Variants in CTNNA3 observed in about 807,000 individuals in gnomAD.
CTNNA3 encodes the protein catenin alpha 3, also known as catenin alpha-3.
Under a neutral mutation model 95.7 loss-of-function variants are expected in CTNNA3, and 76 were observed. The ratio of observed to expected loss-of-function variants is 0.79; its 90% CI spans 0.66 to 0.96. CTNNA3 has a LOEUF of 0.96. Among genes scored for constraint, CTNNA3 ranks in the 40% least tolerant of loss-of-function variants. The pLI, the probability that CTNNA3 is intolerant of heterozygous loss-of-function variation, is 0.00. For synonymous variants in CTNNA3, 431 were observed against 374.4 expected (o/e 1.15, Z -1.74); for missense variants, 1,191 against 1,089.8 (o/e 1.09, Z -1.31).
intron 8 of CTNNA3, among the ~76,000 whole-genome samples, chr10:66,772,015 AGAGT>A (rs10585636): frequency 0.035 from 4,224 of 119,306 alleles, 193 homozygotes; most frequent in African/African-American, 0.13. Context: ...GTGTGTAAGG[AGAGT>A]GAGTGGGGAA....
intron 11 of CTNNA3, among the ~76,000 whole-genome samples, chr10:66,443,506 C>T (rs945973541): frequency 2.9e-4 from 44 of 152,196 alleles, no homozygotes; most frequent in Middle Eastern, 3.4e-3. Flanking sequence ...CACCAAAATC[C>T]GCTGTTCTAC....
intron 7 of CTNNA3, among the ~76,000 whole-genome samples, chr10:67,141,464 C>T (rs10997528): frequency 0.31 from 46,919 of 152,034 alleles, 7,696 homozygotes; most frequent in Middle Eastern, 0.51. Flanking sequence ...CCATTATCCC[C>T]GGGAAGTGTG....
intron 7 of CTNNA3, among the ~76,000 whole-genome samples, chr10:67,125,933 T>TC (rs1193591928): frequency 5.3e-5 from 8 of 152,194 alleles, no homozygotes; most frequent in African/African-American, 1.9e-4. Flanking sequence ...AGTATATTGA[T>TC]CCCCAATATG....
At chr10:67,550,227 T>C (rs1054815600) in intron 3 of CTNNA3, among the ~76,000 whole-genome samples, 4 of 152,202 alleles carry the variant, frequency 2.6e-5, no homozygotes, top group Admixed American at 2.6e-4. Context: ...ATATATCTAA[T>C]AATATTAGCA....
intron 3 of CTNNA3, among the ~76,000 whole-genome samples, chr10:67,560,517 C>T (rs1283952131): frequency 6.6e-6 from 1 of 152,186 alleles, no homozygotes; most frequent in African/African-American, 2.4e-5. Context: ...CAACCGGTAC[C>T]AGCTACTGCA....
intron 9 of CTNNA3, among the ~76,000 whole-genome samples, chr10:66,759,370 C>A (rs1285721405): frequency 6.6e-6 from 1 of 152,162 alleles, no homozygotes; most frequent in African/African-American, 2.4e-5. Flanking sequence ...TTCCTAAGAA[C>A]ACCTAGCCAG....
At chr10:67,254,157 A>T (rs1388354860) in intron 5 of CTNNA3, among the ~76,000 whole-genome samples, 1 of 152,296 alleles carries the variant, frequency 6.6e-6, no homozygotes. Context: ...ATACTGGCAG[A>T]AAAAAGAAGA....
chr10:66,843,111 A>G (rs1275637082), intron 7 of CTNNA3, among the ~76,000 whole-genome samples: 2 of 152,194 alleles, frequency 1.3e-5, no homozygotes, highest in Non-Finnish European at 2.9e-5. Context: ...AAGGACGTGG[A>G]TGTAGATTGG....
At chr10:66,281,056 A>G (rs1255236228) in intron 12 of CTNNA3, among the ~76,000 whole-genome samples, 1 of 151,978 alleles carries the variant, frequency 6.6e-6, no homozygotes, top group Non-Finnish European at 1.5e-5. Flanking sequence ...AAAGCAATTG[A>G]GTTGCTAAAC....
chr10:66,333,097 A>G (rs1331400342), intron 12 of CTNNA3, among the ~76,000 whole-genome samples: 2 of 150,504 alleles, frequency 1.3e-5, no homozygotes, highest in Non-Finnish European at 3.0e-5. Context: ...TTTTTATTGA[A>G]TCTATTTGAT....
chr10:67,488,812 G>A (rs941730296), intron 5 of CTNNA3, among the ~76,000 whole-genome samples: 1 of 152,066 alleles, frequency 6.6e-6, no homozygotes, highest in African/African-American at 2.4e-5. Flanking sequence ...TGGGACTACA[G>A]GCGCATGCCA....
intron 7 of CTNNA3, chr10:66,926,486 G>A (rs1396019311): frequency 1.4e-6 from 2 of 1,403,506 alleles, no homozygotes; most frequent in Non-Finnish European, 9.9e-7. Flanking sequence ...GTGTCAGCGA[G>A]CCCTGACTCA....
intron 5 of CTNNA3, among the ~76,000 whole-genome samples, chr10:67,436,355 G>GA (rs1352573356): frequency 6.6e-6 from 1 of 152,054 alleles, no homozygotes; most frequent in African/African-American, 2.4e-5. Flanking sequence ...CCTAAGACCT[G>GA]AAACTATTAA....
chr10:66,328,182 C>A (rs1356141065), intron 12 of CTNNA3, among the ~76,000 whole-genome samples: 1 of 152,044 alleles, frequency 6.6e-6, no homozygotes, highest in African/African-American at 2.4e-5. Context: ...AAGTGTTACA[C>A]ATTGTGCTGA....
intron 13 of CTNNA3, among the ~76,000 whole-genome samples, chr10:66,238,199 A>G (rs1589818255): frequency 6.6e-6 from 1 of 152,020 alleles, no homozygotes; most frequent in East Asian, 1.9e-4. Flanking sequence ...TAAATATCCA[A>G]CTCCTGCTTC....
chr10:66,817,307 ATAAT>A lies in CTNNA3; in HGVS notation c.1048-41787_1048-41784del, dbSNP rs550717961. On this transcript the variant is annotated intron_variant, in intron 7 of 17. Transcript: ENST00000433211. ...CTAAACCCAAATCAAGAAAATAATAATAATTAAACTAGAAATAAATGATAAAAGA... is the reference window on the plus strand; with the variant it reads ...CTAAACCCAAATCAAGAAAATAATAATAAACTAGAAATAAATGATAAAAGA... Among the ~76,000 whole-genome samples the A allele has an allele frequency of 3.1e-4, 47 of 152,084 alleles. No homozygotes were observed. The South Asian group carries it at 9.8e-3, about 32-fold the overall frequency.
chr10:65,973,573 T>C (rs1309975291), intron 16 of CTNNA3, among the ~76,000 whole-genome samples: 4 of 152,110 alleles, frequency 2.6e-5, no homozygotes, highest in African/African-American at 9.7e-5. Flanking sequence ...AAAAAAATAC[T>C]TCAGACTGGG....
intron 7 of CTNNA3, among the ~76,000 whole-genome samples, chr10:66,801,074 T>C (rs551225142): frequency 4.0e-5 from 6 of 151,378 alleles, no homozygotes; most frequent in African/African-American, 7.2e-5. Flanking sequence ...TGAAAAAATA[T>C]AGAAAGGAGC....
intron 5 of CTNNA3, among the ~76,000 whole-genome samples, chr10:67,255,960 C>G (rs1033887055): frequency 6.6e-6 from 1 of 151,780 alleles, no homozygotes; most frequent in Non-Finnish European, 1.5e-5. Flanking sequence ...TGAAAACCAG[C>G]ACCACCAGAG....
Sources: allele counts gnomAD v4.1 joint callset (sites outside exome capture counted in the v4.1 genomes callset), GRCh38; gene constraint gnomAD v4.1.1; transcripts MANE v1.5; gene names NCBI Gene and HGNC (gene_info 2026-07-23, HGNC 2026-07-21).